MTMR8: variants seen among roughly 807,000 people sequenced by gnomAD.
The protein encoded by MTMR8 is myotubularin related protein 8, also known as phosphatidylinositol-3,5-bisphosphate 3-phosphatase MTMR8.
MTMR8 carries 65 observed loss-of-function variants against 39.3 expected under a neutral mutation model. The observed-to-expected ratio is 1.65, with a 90% CI of 1.35 to 2.03. MTMR8 has a LOEUF of 2.03. Ranked by LOEUF, MTMR8 falls within the 30% of genes most tolerant of loss-of-function variation. The probability of loss-of-function intolerance (pLI) is 0.00; values close to 1 mark genes in which losing one functional copy is unlikely to be tolerated. For missense variants in MTMR8, 777 were observed against 538.9 expected, an observed-to-expected ratio of 1.44 and a Z score of -4.37; for synonymous variants, 245 against 185.2, an observed-to-expected ratio of 1.32 and a Z score of -2.62.
At chrX:64,357,149 T>TTTTG (rs1307043191) in intron 2 of MTMR8, among the ~76,000 whole-genome samples, 1 of 111,814 alleles carries the variant, frequency 8.9e-6, no homozygotes, top group Admixed American at 9.5e-5. Context: ...AGCCATATAA[T>TTTTG]CATGGTTTTG....
intron 12 of MTMR8, among the ~76,000 whole-genome samples, chrX:64,283,466 G>A (rs1921037187): frequency 8.9e-6 from 1 of 111,961 alleles, no homozygotes; most frequent in East Asian, 2.8e-4. Flanking sequence ...TGACAGCTTG[G>A]AAGACAGTAG....
At chrX:64,319,334 T>G (rs1294543874) in intron 12 of MTMR8, among the ~76,000 whole-genome samples, 1 of 112,486 alleles carries the variant, frequency 8.9e-6, no homozygotes, top group African/African-American at 3.2e-5. Flanking sequence ...TTGCAAAAAT[T>G]TTCTCCCATT....
At chrX:64,381,223 T>C (rs1192606766) in intron 1 of MTMR8, among the ~76,000 whole-genome samples, 1 of 111,530 alleles carries the variant, frequency 9.0e-6, no homozygotes, top group Admixed American at 9.5e-5. Flanking sequence ...AGTGTAAAAG[T>C]GTTCCTATTT....
In MTMR8 at chrX:64,359,434, C is replaced by T. The variant is rs776167775; in HGVS notation, c.118G>A (p.Ala40Thr). The change falls in exon 2 of 14, where the codon GCT (alanine) becomes ACT (threonine). Residue 40 changes from alanine to threonine, a missense_variant. Transcript: ENST00000374852. ...LTATHLIYVE[A>T]SGAARKETWI... ...GTTTCTTTCCGGGCTGCACCTGAAG[C>T]CTCCACATAGATCAGGTGGGTTGCA... is the stretch of plus-strand genomic sequence containing the variant. 3.3e-6 allele frequency: 4 copies of T among 1,205,192 alleles called. No individual in the cohort carries two copies. Among genetic ancestry groups the T allele is most frequent in the Non-Finnish European group, 4.5e-6 (4 of 892,230 alleles).
intron 1 of MTMR8, among the ~76,000 whole-genome samples, chrX:64,373,019 A>C (rs191011174): frequency 8.9e-6 from 1 of 112,089 alleles, no homozygotes; most frequent in East Asian, 2.8e-4. Context: ...AGTGGGAACA[A>C]AGAGAGATGA....
chrX:64,274,466 G>A (rs1931829732), intron 12 of MTMR8, among the ~76,000 whole-genome samples: 1 of 112,007 alleles, frequency 8.9e-6, no homozygotes, highest in Non-Finnish European at 1.9e-5. Flanking sequence ...TATTAAGAAG[G>A]AAATTTATTA....
At chrX:64,299,035 A>G in intron 12 of MTMR8, among the ~76,000 whole-genome samples, 1 of 64,867 alleles carries the variant, frequency 1.5e-5, no homozygotes, top group East Asian at 4.3e-4. Flanking sequence ...TTGGTCTAAA[A>G]TTCTCTTTTT....
chrX:64,391,723 A>G (rs1924695037), intron 1 of MTMR8, among the ~76,000 whole-genome samples: 1 of 112,323 alleles, frequency 8.9e-6, no homozygotes, highest in Non-Finnish European at 1.9e-5. Flanking sequence ...AACTTATTTA[A>G]TTCTTATAAC....
chrX:64,269,165 C>T (rs1931700051), intron 13 of MTMR8, 122 bp from the exon 14 acceptor site: 1 of 663,166 alleles, frequency 1.5e-6, no homozygotes, highest in Non-Finnish European at 2.2e-6. Flanking sequence ...TGACCTTTTG[C>T]TCACCCCCTC....
At position 64,275,571 on chromosome X, in the gene MTMR8, G is replaced by C. The variant is rs73522755; in HGVS notation, c.1482-4498C>G. 2.2e-3 allele frequency among the ~76,000 whole-genome samples: 231 copies of C among 103,988 alleles called. 1 individual carries two copies. Among genetic ancestry groups the C allele is most frequent in the African/African-American group, 7.8e-3 (220 of 28,056 alleles). 90.3% of individuals were successfully genotyped at this position (103,988 alleles called of 115,157 possible). A position where few individuals can be genotyped will look rare whatever the true frequency, so the allele number is the denominator to read the frequency against. On this transcript the variant is annotated intron_variant, in intron 12 of 13. Coordinates refer to ENST00000374852, the MANE Select transcript of MTMR8 (RefSeq NM_017677.4). ...AAAATAGCACATGCTTGTAGTCCCA[G>C]CTACTTGGGAGCTAGGTTTGGAGGA...
At chrX:64,366,307 T>G (rs990234566) in intron 1 of MTMR8, among the ~76,000 whole-genome samples, 3 of 111,890 alleles carry the variant, frequency 2.7e-5, no homozygotes, top group Non-Finnish European at 5.6e-5. Context: ...ATATACATTC[T>G]TCTCAGCACT....
At chrX:64,269,899 T>A (rs1055291285) in intron 13 of MTMR8, among the ~76,000 whole-genome samples, 1 of 111,639 alleles carries the variant, frequency 9.0e-6, no homozygotes, top group Admixed American at 9.5e-5. Context: ...ACATACACAC[T>A]TCAAAAGGAA....
intron 12 of MTMR8, chrX:64,305,371 C>G (rs1922072609): frequency 4.6e-6 from 1 of 219,579 alleles, no homozygotes; most frequent in Admixed American, 6.0e-5. Flanking sequence ...TCCCCCTTAT[C>G]CAAAAGGTTT....
At chrX:64,339,691 T>C (rs1227760403) in intron 8 of MTMR8, among the ~76,000 whole-genome samples, 1 of 111,520 alleles carries the variant, frequency 9.0e-6, no homozygotes, top group Non-Finnish European at 1.9e-5. Flanking sequence ...AAAGAGGGTT[T>C]AACTGACAGA....
chrX:64,312,620 C>G (rs188881678), intron 12 of MTMR8, among the ~76,000 whole-genome samples: 1 of 112,767 alleles, frequency 8.9e-6, no homozygotes, highest in East Asian at 2.8e-4. Context: ...TTAATGGCAT[C>G]TAGAATAGTG....
At chrX:64,276,942 G>A (rs1931883243) in intron 12 of MTMR8, among the ~76,000 whole-genome samples, 1 of 111,572 alleles carries the variant, frequency 9.0e-6, no homozygotes. Flanking sequence ...TCCTGTATTG[G>A]GTGCATATAT....
At chrX:64,383,321 G>A (rs1433006421) in intron 1 of MTMR8, among the ~76,000 whole-genome samples, 1 of 109,311 alleles carries the variant, frequency 9.1e-6, no homozygotes, top group African/African-American at 3.3e-5. Context: ...GATAGATATA[G>A]CTACAGATAT....
Position 64,343,713 on chromosome X carries a change from T to C in MTMR8, c.873A>G (p.Glu291=). 8.5e-7 allele frequency: 1 copy of C among 1,181,831 alleles called. No individual in the cohort carries two copies. Among genetic ancestry groups the C allele is most frequent in the East Asian group, 3.0e-5 (1 of 33,536 alleles). Reference sequence around the variant, plus strand: ...ATTCACTCATTGTTGGAGTTTTCAATTCACAAACTAAGGTAGAAAAGGAAG... The same window carrying C: ...ATTCACTCATTGTTGGAGTTTTCAACTCACAAACTAAGGTAGAAAAGGAAG... ...SSLQKLLEVC[E]LKTPTMSEFL... is the part of the protein sequence containing the mutation. Residue 291 remains glutamate, a synonymous_variant, in exon 8 of 14, where the codon GAA becomes GAG. Transcript: ENST00000374852.
intron 2 of MTMR8, among the ~76,000 whole-genome samples, chrX:64,356,889 G>A (rs750377676): frequency 2.0e-4 from 22 of 110,856 alleles, no homozygotes; most frequent in African/African-American, 6.9e-4. Context: ...CCAAGAAGTG[G>A]CACAAACAGA....
Sources: allele counts gnomAD v4.1 joint callset (sites outside exome capture counted in the v4.1 genomes callset), GRCh38; gene constraint gnomAD v4.1.1; transcripts MANE v1.5; gene names NCBI Gene and HGNC (gene_info 2026-07-23, HGNC 2026-07-21).